TNXB: variants seen among roughly 807,000 people sequenced by gnomAD.
TNXB encodes tenascin-X.
TNXB carries 183 observed loss-of-function variants against 340.5 expected under a neutral mutation model. The observed-to-expected ratio is 0.54, with a 90% CI of 0.48 to 0.61. The LOEUF (loss-of-function observed/expected upper bound fraction) is 0.61, where lower values mean the gene tolerates loss of function less well. TNXB is among the 20% of genes least tolerant of loss of function. The pLI is 0.00. For synonymous variants in TNXB, 2,121 were observed against 2,314.5 expected, an observed-to-expected ratio of 0.92 and a Z score of 2.40; for missense variants, 4,613 against 5,446.4, an observed-to-expected ratio of 0.85 and a Z score of 4.82.
At position 32,079,183 on chromosome 6, in the gene TNXB, T is replaced by C. The variant is rs750116856; in HGVS notation, c.4225A>G (p.Arg1409Gly). Residue 1409 changes from arginine to glycine, a missense_variant, in exon 11 of 44, where the codon AGG (arginine) becomes GGG (glycine). Coordinates refer to ENST00000644971, the MANE Select transcript of TNXB (RefSeq NM_001365276.2). This position sits in a 1 kb window ranked among gnomAD's most constrained non-coding sequence, Gnocchi z 7.1. The part of the protein sequence containing the change: ...FDSFTVQYKD[R>G]DGRPRAVRVG... The stretch of plus-strand genomic sequence containing the variant: ...CGCACCGCCCGGGGCCGCCCATCCC[T>C]GTCCTTGTACTGCACGGTGAAAGAG... 1.2e-6 allele frequency: 2 copies of C among 1,613,894 alleles called. No individual in the cohort carries two copies. The highest frequency in any genetic ancestry group is 1.7e-6 in the Non-Finnish European group (2 of 1,179,872).
chr6:32,101,470 T>C (rs568050120), intron 1 of TNXB, among the ~76,000 whole-genome samples: 1 of 151,976 alleles, frequency 6.6e-6, no homozygotes, highest in South Asian at 2.1e-4. Context: ...TTTGTATTTT[T>C]AGTAGAGATG....
Position 32,083,472 on chromosome 6 carries a change from G to C in TNXB, c.3445+941C>G, listed in dbSNP as rs750712062. On this transcript the variant is annotated intron_variant, in intron 8 of 43. Transcript: ENST00000644971. The surrounding 1 kb of genome is among the most constrained non-coding windows in gnomAD (Gnocchi z 4.6). ...AAATGCACAAAAGGTATTTATGTAA[G>C]TGTCTCTTAGATATTGATCTAAGTT... Among the ~76,000 whole-genome samples, 30 of 152,162 alleles carry C rather than the reference G, an allele frequency of 2.0e-4. No homozygotes were observed. The highest frequency in any genetic ancestry group is 3.1e-4 in the Non-Finnish European group (21 of 68,030).
intron 23 of TNXB, 99 bp downstream of exon 23, chr6:32,056,487 C>T: frequency 8.5e-6 from 13 of 1,524,762 alleles, no homozygotes; most frequent in Non-Finnish European, 1.1e-5. Flanking sequence ...GTCTGTGGTG[C>T]TGACCGGACC....
At chr6:32,066,305 G>A (rs1015793104) in intron 18 of TNXB, among the ~76,000 whole-genome samples, 1 of 152,158 alleles carries the variant, frequency 6.6e-6, no homozygotes, top group Non-Finnish European at 1.5e-5. Context: ...GAGATGGGAG[G>A]ATGGCTTGAG....
chr6:32,072,212 G>A lies in TNXB; in HGVS notation c.4768C>T (p.Pro1590Ser). The change falls in exon 13 of 44, where the codon CCT (proline) becomes TCT (serine). Residue 1590 changes from proline to serine, a missense_variant. Physicochemically the swap from Pro to Ser is moderately conservative, Grantham distance 74. Around this residue, in one of 7 missense-constraint regions of TNXB, gnomAD observed 4,327 missense variants for 4,859.4 expected, o/e 0.89. Transcript: ENST00000644971. The surrounding 1 kb of genome is among the most constrained non-coding windows in gnomAD (Gnocchi z 4.4). ...GTCCATGAGAGGCCCACAGAGTCAGGGGTTATATCCGTCACTGTCAGCTCC... is the reference window on the plus strand; with the variant it reads ...GTCCATGAGAGGCCCACAGAGTCAGAGGTTATATCCGTCACTGTCAGCTCC... ...LGELTVTDIT[P>S]DSVGLSWTVP... 1.2e-6 allele frequency: 2 copies of A among 1,611,792 alleles called. No homozygotes were observed. Among genetic ancestry groups the A allele is most frequent in the South Asian group, 1.1e-5 (1 of 90,604 alleles).
chr6:32,055,018 C>A (rs1777542684), intron 24 of TNXB, among the ~76,000 whole-genome samples: 1 of 152,198 alleles, frequency 6.6e-6, no homozygotes, highest in African/African-American at 2.4e-5. Context: ...AATAACCAAA[C>A]ATCACCCATC....
chr6:32,096,194 G>A lies in TNXB; in HGVS notation c.1659C>T (p.Asp553=), dbSNP rs1237433880. ...CVCDAGYSGE[D]CSTRSCPGGC... is the part of the protein sequence containing the mutation. The stretch of plus-strand genomic sequence containing the variant: ...CCCCGGGGCAGCTGCGCGTGCTGCA[G>A]TCTTCCCCTGAGTAGCCTGCGTCAC... The change falls in exon 3 of 44, where the codon GAC becomes GAT. Residue 553 remains aspartate, a synonymous_variant. Coordinates refer to ENST00000644971, the MANE Select transcript of TNXB (RefSeq NM_001365276.2). 6.4e-7 allele frequency: 1 copy of A among 1,567,730 alleles called. No homozygotes were observed. The highest frequency in any genetic ancestry group is 8.6e-7 in the Non-Finnish European group (1 of 1,159,340).
In TNXB at chr6:32,051,007, T is replaced by C. The variant is rs1167919364; in HGVS notation, c.9116-686A>G. 6.6e-6 allele frequency among the ~76,000 whole-genome samples: 1 copy of C among 152,212 alleles called. No individual in the cohort carries two copies. The highest frequency in any genetic ancestry group is 2.4e-5 in the African/African-American group (1 of 41,460). On this transcript the variant is annotated intron_variant, in intron 26 of 43. Transcript: ENST00000644971. This position sits in a 1 kb window ranked among gnomAD's most constrained non-coding sequence, Gnocchi z 4.7. ...TCCCTGGGAGACCCCAGGCCTCCTCTGCTCCCACACTTCAGGACTATCTAT... is the reference window on the plus strand; with the variant it reads ...TCCCTGGGAGACCCCAGGCCTCCTCCGCTCCCACACTTCAGGACTATCTAT...
intron 1 of TNXB, among the ~76,000 whole-genome samples, chr6:32,099,963 A>C (rs1384453375): frequency 5.9e-5 from 9 of 151,590 alleles, no homozygotes; most frequent in Admixed American, 1.3e-4. Flanking sequence ...AAAAAAAAAA[A>C]AAAAAAACAG....
chr6:32,046,362 C>A lies in TNXB; in HGVS notation c.10419G>T (p.Gln3473His). Reference protein sequence around the residue: ...SSLRLSWTVAQGPFDSFVVQY... With the variant: ...SSLRLSWTVAHGPFDSFVVQY... The stretch of plus-strand genomic sequence containing the variant: ...GGACCACGAAGGAGTCAAAGGGGCC[C>A]TGGGCTACCGTCCAGGACAGGCGCA... The change falls in exon 31 of 44, where the codon CAG becomes CAT. Residue 3473 changes from glutamine to histidine, a missense_variant. Gln to His is a conservative substitution (Grantham distance 24, BLOSUM62 0). This residue lies in a region of TNXB where 4,327 missense variants were observed against 4,859.4 expected (regional missense o/e 0.89). Transcript: ENST00000644971. The surrounding 1 kb of genome is among the most constrained non-coding windows in gnomAD (Gnocchi z 6.9). The A allele has an allele frequency of 6.2e-7, 1 of 1,604,600 alleles. No homozygotes were observed. The highest frequency in any genetic ancestry group is 8.5e-7 in the Non-Finnish European group (1 of 1,176,816).
intron 1 of TNXB, among the ~76,000 whole-genome samples, chr6:32,100,449 C>T (rs1240349086): frequency 2.6e-5 from 4 of 152,062 alleles, no homozygotes; most frequent in East Asian, 1.9e-4. Flanking sequence ...AACCATAGGC[C>T]GGGTGCAGTG....
At chr6:32,103,113 AT>A (rs1780805437) in intron 1 of TNXB, among the ~76,000 whole-genome samples, 1 of 151,734 alleles carries the variant, frequency 6.6e-6, no homozygotes, top group Non-Finnish European at 1.5e-5. Flanking sequence ...AGACTTTGGC[AT>A]TTTGCTGTAT....
intron 4 of TNXB, among the ~76,000 whole-genome samples, chr6:32,092,155 T>C (rs1780103457): frequency 6.6e-6 from 1 of 152,192 alleles, no homozygotes; most frequent in African/African-American, 2.4e-5. Context: ...CTGGAGGGCT[T>C]GTTGCAATAC....
chr6:32,078,071 A>AAGAG (rs757085438), intron 11 of TNXB, among the ~76,000 whole-genome samples: 1 of 101,046 alleles, frequency 9.9e-6, no homozygotes, highest in African/African-American at 4.1e-5. Flanking sequence ...GACAGAAAGA[A>AAGAG]AGAGAAAGAA....
Position 32,097,267 on chromosome 6 carries a change from GA to G in TNXB, c.585del (p.Arg196AlafsTer82). On this transcript the variant is annotated frameshift_variant, in exon 3 of 44. Coordinates refer to ENST00000644971, the MANE Select transcript of TNXB (RefSeq NM_001365276.2). LOFTEE classifies it high-confidence loss of function. This position sits in a 1 kb window ranked among gnomAD's most constrained non-coding sequence, Gnocchi z 5.9. ...CACACGCAACGACCACGGACACAGC[GA>G]CCCTGATCATTGCAGTCATCTGGGC... is the stretch of plus-strand genomic sequence containing the variant. ...GSCPDDCNDQ[G>X]RCVRGRCVCF... The G allele has an allele frequency of 5.6e-6, 9 of 1,612,684 alleles. No individual in the cohort carries two copies. The highest frequency in any genetic ancestry group is 7.6e-6 in the Non-Finnish European group (9 of 1,179,428).
Position 32,085,475 on chromosome 6 carries a change from C to A in TNXB, c.3148+275G>T, listed in dbSNP as rs1779714324. The stretch of plus-strand genomic sequence containing the variant: ...CAGGTGGAGGGCCAGGGACCTTCAG[C>A]CTCTCTCCTGGAATCTCTGTCCCAC... On this transcript the variant is annotated intron_variant, in intron 7 of 43. Transcript: ENST00000644971. This position sits in a 1 kb window ranked among gnomAD's most constrained non-coding sequence, Gnocchi z 6.4. 6.6e-6 allele frequency among the ~76,000 whole-genome samples: 1 copy of A among 152,268 alleles called. No homozygotes were observed. The highest frequency in any genetic ancestry group is 1.9e-4 in the East Asian group (1 of 5,178).
intron 29 of TNXB, 59 bp from the exon 30 acceptor site, chr6:32,048,071 T>A (rs1777014177): frequency 3.5e-5 from 54 of 1,558,798 alleles, no homozygotes; most frequent in Non-Finnish European, 4.5e-5. Context: ...CCACGGAGCT[T>A]CCTGGGCTGC....
rs1276909313 is a variant in TNXB, at chr6:32,075,408, G to T, written c.4376-1456C>A. Reference sequence around the variant, plus strand: ...TCACTGTCTGCAGACATCTGGGGCTGCTTCTCGCCTGCCAGTCTCTGCATT... The same window carrying T: ...TCACTGTCTGCAGACATCTGGGGCTTCTTCTCGCCTGCCAGTCTCTGCATT... On this transcript the variant is annotated intron_variant, in intron 11 of 43. Coordinates refer to ENST00000644971, the MANE Select transcript of TNXB (RefSeq NM_001365276.2). The surrounding 1 kb of genome is among the most constrained non-coding windows in gnomAD (Gnocchi z 4.6). Among the ~76,000 whole-genome samples the T allele has an allele frequency of 6.6e-6, 1 of 152,186 alleles. No homozygotes were observed. The highest frequency in any genetic ancestry group is 1.5e-5 in the Non-Finnish European group (1 of 68,032).
Position 32,047,949 on chromosome 6 carries a change from G to T in TNXB, c.10109C>A (p.Ser3370Tyr). The change falls in exon 30 of 44, where the codon TCC (serine) becomes TAC (tyrosine). Residue 3370 changes from serine (S) to tyrosine (Y), a missense_variant. Around this residue, in one of 7 missense-constraint regions of TNXB, gnomAD observed 4,327 missense variants for 4,859.4 expected, o/e 0.89. Transcript: ENST00000644971. This position sits in a 1 kb window ranked among gnomAD's most constrained non-coding sequence, Gnocchi z 6.2. ...ELTVTDATPD[S>Y]VGLSWTVPEG... ...AGGGACCGTCCACGAGAGGCCCACG[G>T]AGTCAGGGGTCGCATCTGTCACAGT... 5 of 1,612,254 alleles carry T rather than the reference G, an allele frequency of 3.1e-6. No individual in the cohort carries two copies. The highest frequency in any genetic ancestry group is 3.4e-6 in the Non-Finnish European group (4 of 1,179,530).
Sources: gnomAD v4.1 joint callset for allele counts (sites outside exome capture counted in the v4.1 genomes callset) on GRCh38, gnomAD v4.1.1 for gene constraint, gnomAD v4.1.1 regional missense constraint, Gnocchi (gnomAD v3.1) non-coding constraint, MANE v1.5 for transcripts, NCBI Gene and HGNC (gene_info 2026-07-23, HGNC 2026-07-21) for gene names.